TLK1: variants seen among roughly 807,000 people sequenced by gnomAD.
TLK1 encodes the protein tousled like kinase 1, also known as serine/threonine-protein kinase tousled-like 1.
A neutral mutation model predicts 105.3 loss-of-function variants in TLK1; 24 were observed. That is an observed-to-expected ratio of 0.23 (90% CI 0.17 to 0.32). TLK1 has a LOEUF of 0.32. Ranked by LOEUF, TLK1 falls within the 10% of genes least tolerant of loss-of-function variation. The probability of loss-of-function intolerance (pLI) is 1.00; values close to 1 mark genes in which losing one functional copy is unlikely to be tolerated. For missense variants in TLK1, 558 were observed against 910.5 expected (o/e 0.61, Z 4.98); for synonymous variants, 321 against 310.4 (o/e 1.03, Z -0.36).
chr2:171,137,101 T>C (rs770502068), intron 1 of TLK1, among the ~76,000 whole-genome samples: 7 of 152,160 alleles, frequency 4.6e-5, no homozygotes, highest in Non-Finnish European at 1.0e-4. Context: ...GACTGGTGGA[T>C]TGCTTGAGCT....
intron 1 of TLK1, among the ~76,000 whole-genome samples, chr2:171,203,218 A>T (rs1460647773): frequency 1.3e-5 from 2 of 152,126 alleles, no homozygotes; most frequent in Non-Finnish European, 2.9e-5. Context: ...AAAATTTACC[A>T]TCTTGGCCAT....
In TLK1 at chr2:171,139,764, T is replaced by C. The variant is rs543732581; in HGVS notation, c.139+20526A>G. ...ATAACCCAGTGGTCCCCAACCTTTT[T>C]GGCACCAGTGGCCAGTTTCATGGAA... On this transcript the variant is annotated intron_variant, in intron 1 of 20. Transcript: ENST00000431350. Among the ~76,000 whole-genome samples, 13 of 119,472 alleles carry C rather than the reference T, an allele frequency of 1.1e-4. No homozygotes were observed. In the South Asian group the frequency reaches 3.6e-3, roughly 33 times the overall value. The allele number at this position is 119,472 out of a possible 152,430, so 78.4% of individuals were successfully genotyped here.
At chr2:171,063,459 C>T (rs1311355892) in intron 3 of TLK1, among the ~76,000 whole-genome samples, 1 of 152,136 alleles carries the variant, frequency 6.6e-6, no homozygotes, top group Non-Finnish European at 1.5e-5. Context: ...CATAATTTTT[C>T]AGAATCCTTT....
At chr2:171,082,377 G>A (rs1688794771) in intron 3 of TLK1, among the ~76,000 whole-genome samples, 1 of 151,500 alleles carries the variant, frequency 6.6e-6, no homozygotes, top group Non-Finnish European at 1.5e-5. Context: ...TAAAAAGAGG[G>A]AAAAAATGTG....
chr2:171,167,075 T>TAAGG (rs1309457737), intron 1 of TLK1, among the ~76,000 whole-genome samples: 1 of 152,186 alleles, frequency 6.6e-6, no homozygotes, highest in Non-Finnish European at 1.5e-5. Flanking sequence ...GTTACCTCCT[T>TAAGG]CAAGGAAAAG....
At position 171,076,388 on chromosome 2, in the gene TLK1, G is replaced by T. The variant is rs550344896; in HGVS notation, c.330+6393C>A. On this transcript the variant is annotated intron_variant, in intron 3 of 20. Coordinates refer to ENST00000431350, the MANE Select transcript of TLK1 (RefSeq NM_012290.5). ...TTCTGCCTTCCATCTTCTACCACGGGGTGATGATCCTCACCTGATGCTTGA... is the reference window on the plus strand; with the variant it reads ...TTCTGCCTTCCATCTTCTACCACGGTGTGATGATCCTCACCTGATGCTTGA... Among the ~76,000 whole-genome samples, 9 of 152,114 alleles carry T rather than the reference G, an allele frequency of 5.9e-5. No homozygotes were observed. In the South Asian group the frequency reaches 1.9e-3, roughly 32 times the overall value.
intron 1 of TLK1, among the ~76,000 whole-genome samples, chr2:171,195,366 G>A (rs950029180): frequency 4.6e-5 from 7 of 151,996 alleles, no homozygotes; most frequent in African/African-American, 1.4e-4. Context: ...AGCCGGGCAT[G>A]GTGGTGGGCG....
intron 11 of TLK1, among the ~76,000 whole-genome samples, chr2:171,033,619 AT>A (rs911178457): frequency 1.5e-4 from 22 of 151,690 alleles, no homozygotes; most frequent in Non-Finnish European, 1.9e-4. Flanking sequence ...TGGATACCCC[AT>A]TTACCCTGAT....
chr2:171,028,032 G>A (rs961431983), intron 12 of TLK1, among the ~76,000 whole-genome samples: 15 of 152,028 alleles, frequency 9.9e-5, no homozygotes, highest in African/African-American at 2.7e-4. Flanking sequence ...ATGTGGTGGC[G>A]CATGCCTGTA....
At chr2:171,195,310 T>G (rs547413652) in intron 1 of TLK1, among the ~76,000 whole-genome samples, 142 of 151,946 alleles carry the variant, frequency 9.3e-4, no homozygotes, top group Non-Finnish European at 1.4e-3. Flanking sequence ...GAGACCATCC[T>G]GGCTAACACG....
intron 3 of TLK1, among the ~76,000 whole-genome samples, chr2:171,076,472 T>A (rs1688511515): frequency 6.6e-6 from 1 of 152,030 alleles, no homozygotes; most frequent in African/African-American, 2.4e-5. Flanking sequence ...CTTCTGTTCA[T>A]TATAAATTGC....
chr2:171,159,378 C>G (rs1022363104), intron 1 of TLK1, among the ~76,000 whole-genome samples: 9 of 152,208 alleles, frequency 5.9e-5, no homozygotes, highest in African/African-American at 2.2e-4. Context: ...ATGTTGTATA[C>G]TTAGATACAG....
intron 1 of TLK1, among the ~76,000 whole-genome samples, chr2:171,230,932 T>C (rs565204145): frequency 6.6e-6 from 1 of 152,192 alleles, no homozygotes; most frequent in Non-Finnish European, 1.5e-5. Flanking sequence ...CAAAAGCAGC[T>C]GAGAGACATT....
intron 11 of TLK1, among the ~76,000 whole-genome samples, chr2:171,042,109 A>C (rs1575543964): frequency 6.6e-6 from 1 of 152,234 alleles, no homozygotes; most frequent in East Asian, 1.9e-4. Flanking sequence ...AAAATGGGAT[A>C]GAAACGAAAG....
At chr2:171,046,016 T>C in intron 11 of TLK1, 158 bp downstream of exon 11, 1 of 558,172 alleles carries the variant, frequency 1.8e-6, no homozygotes, top group East Asian at 3.2e-5. Context: ...TTCAGATATT[T>C]GGGGCTATTA....
At chr2:171,131,664 G>C (rs1691111057) in intron 1 of TLK1, among the ~76,000 whole-genome samples, 1 of 152,142 alleles carries the variant, frequency 6.6e-6, no homozygotes. Flanking sequence ...TGTCAGGAAA[G>C]AAGCAATTTC....
chr2:171,226,995 CA>C (rs1220003255), intron 1 of TLK1, among the ~76,000 whole-genome samples: 4 of 152,146 alleles, frequency 2.6e-5, no homozygotes, highest in African/African-American at 9.7e-5. Flanking sequence ...GATACAAAAT[CA>C]TTTTGTAGCA....
At chr2:171,141,651 C>CAA (rs1333243780) in intron 1 of TLK1, among the ~76,000 whole-genome samples, 1 of 152,042 alleles carries the variant, frequency 6.6e-6, no homozygotes, top group African/African-American at 2.4e-5. Context: ...AACCAGGTCT[C>CAA]AAGGGCACTG....
chr2:171,199,806 A>G (rs1413509662), intron 1 of TLK1, among the ~76,000 whole-genome samples: 2 of 152,228 alleles, frequency 1.3e-5, no homozygotes, highest in Non-Finnish European at 2.9e-5. Flanking sequence ...AAATCAAGGA[A>G]TATAATGTTT....
Sources: gnomAD v4.1 joint callset for allele counts (sites outside exome capture counted in the v4.1 genomes callset) on GRCh38, gnomAD v4.1.1 for gene constraint, MANE v1.5 for transcripts, NCBI Gene and HGNC (gene_info 2026-07-23, HGNC 2026-07-21) for gene names.